CPVL: variants seen among roughly 807,000 people sequenced by gnomAD.
CPVL encodes carboxypeptidase vitellogenic like.
In CPVL, 51 loss-of-function variants were observed where a neutral mutation model predicts 63.7. That is an observed-to-expected ratio of 0.80 (90% CI 0.64 to 1.01). The LOEUF is 1.01. Ranked by LOEUF, CPVL falls within the 50% of genes least tolerant of loss-of-function variation. The pLI, the probability that CPVL is intolerant of heterozygous loss-of-function variation, is 0.00. For synonymous variants in CPVL, 195 were observed against 206.0 expected, an observed-to-expected ratio of 0.95 and a Z score of 0.46; for missense variants, 530 against 573.1, an observed-to-expected ratio of 0.92 and a Z score of 0.77.
chr7:29,097,521 C>T (rs1349143974), intron 3 of CPVL, among the ~76,000 whole-genome samples: 1 of 152,114 alleles, frequency 6.6e-6, no homozygotes, highest in African/African-American at 2.4e-5. Flanking sequence ...ATGGCAAAAC[C>T]CCATCTCCAC....
At chr7:29,115,601 T>G (rs908497317) in intron 2 of CPVL, among the ~76,000 whole-genome samples, 1 of 150,406 alleles carries the variant, frequency 6.6e-6, no homozygotes, top group African/African-American at 2.5e-5. Flanking sequence ...GCAAAACTAT[T>G]AATCTTCTCA....
At chr7:29,029,061 C>T (rs1258201518) in intron 12 of CPVL, among the ~76,000 whole-genome samples, 1 of 151,608 alleles carries the variant, frequency 6.6e-6, no homozygotes, top group Non-Finnish European at 1.5e-5. Context: ...AAAATCTCAG[C>T]ATCACTAATC....
intron 7 of CPVL, among the ~76,000 whole-genome samples, chr7:29,082,707 C>T (rs1450404648): frequency 6.6e-6 from 1 of 152,122 alleles, no homozygotes; most frequent in African/African-American, 2.4e-5. Flanking sequence ...ATCCTGGCAG[C>T]AAGGAAGGTA....
At chr7:29,173,093 T>A (rs1251471735) in intron 5 of CPVL, among the ~76,000 whole-genome samples, 1 of 147,672 alleles carries the variant, frequency 6.8e-6, no homozygotes. Flanking sequence ...ATTGCGCCAA[T>A]GTACTCCAGC....
At chr7:28,997,854 C>T (rs537326425) in intron 12 of CPVL, among the ~76,000 whole-genome samples, 74 of 148,158 alleles carry the variant, frequency 5.0e-4, no homozygotes, top group Non-Finnish European at 9.9e-4. Context: ...TTGTATTTCA[C>T]ATATTACAGT....
chr7:29,076,317 C>T (rs1584188849), intron 7 of CPVL, among the ~76,000 whole-genome samples: 2 of 152,134 alleles, frequency 1.3e-5, no homozygotes, highest in Non-Finnish European at 2.9e-5. Context: ...CCATGGTGTT[C>T]GCCAGTGTGG....
chr7:29,043,994 CATGATG>C lies in CPVL; in HGVS notation c.1138-13241_1138-13236del, dbSNP rs369477733. Reference sequence around the variant, plus strand: ...GACTGTATGGCAAACAGACTCAAATCATGATGATGATGATGATGATGATGGAAAAAC... The same window carrying C: ...GACTGTATGGCAAACAGACTCAAATCATGATGATGATGATGATGGAAAAAC... On this transcript the variant is annotated intron_variant, in intron 11 of 12. Coordinates refer to ENST00000265394, the MANE Select transcript of CPVL (RefSeq NM_031311.5). Among the ~76,000 whole-genome samples, 24 of 152,040 alleles carry C rather than the reference CATGATG, an allele frequency of 1.6e-4. 1 individual carries two copies. Among genetic ancestry groups the C allele is most frequent in the Admixed American group, 9.8e-4 (15 of 15,282 alleles).
At chr7:29,031,145 G>A (rs1284612756) in intron 11 of CPVL, among the ~76,000 whole-genome samples, 2 of 152,116 alleles carry the variant, frequency 1.3e-5, no homozygotes, top group Non-Finnish European at 2.9e-5. Flanking sequence ...TCAACTTCAG[G>A]CAGTGCAGTC....
intron 9 of CPVL, among the ~76,000 whole-genome samples, chr7:29,066,650 G>GGAA (rs1174767660): frequency 6.6e-6 from 1 of 152,206 alleles, no homozygotes; most frequent in Non-Finnish European, 1.5e-5. Context: ...AAGCCTTGTG[G>GGAA]GAAGGGTGCC....
Position 29,068,698 on chromosome 7 carries a change from G to GTT in CPVL, c.865-2579_865-2578dup, listed in dbSNP as rs1224426627. Among the ~76,000 whole-genome samples the GTT allele has an allele frequency of 1.4e-3, 195 of 137,132 alleles. 1 individual carries two copies. The highest frequency in any genetic ancestry group is 3.8e-3 in the Middle Eastern group (1 of 262). 90.0% of individuals were successfully genotyped at this position (137,132 alleles called of 152,430 possible). A position where few individuals can be genotyped will look rare whatever the true frequency, so the allele number is the denominator to read the frequency against. On this transcript the variant is annotated intron_variant, in intron 9 of 12. Transcript: ENST00000265394. ...TGTCTTTTTCTTTTTTTTTTTCTTT[G>GTT]TTTTTTTTTTTTTTGAGATGGAGTC...
At chr7:29,127,114 G>A (rs1359709091) in intron 1 of CPVL, among the ~76,000 whole-genome samples, 3 of 152,206 alleles carry the variant, frequency 2.0e-5, no homozygotes, top group Admixed American at 2.0e-4. Context: ...GTGGCAGGGA[G>A]AGAATGAGAA....
At chr7:29,191,533 T>C (rs1201010327) in intron 1 of CPVL, 1 of 152,106 alleles carries the variant, frequency 6.6e-6, no homozygotes, top group African/African-American at 2.4e-5. Context: ...AGAGATTAGA[T>C]TGGAAAGGTA....
intron 11 of CPVL, among the ~76,000 whole-genome samples, chr7:29,048,227 T>C (rs1339191213): frequency 6.6e-6 from 1 of 152,142 alleles, no homozygotes; most frequent in Non-Finnish European, 1.5e-5. Context: ...AATAGTAACA[T>C]TGAATGCAAA....
chr7:29,102,803 C>T (rs1292101284), intron 3 of CPVL, among the ~76,000 whole-genome samples: 3 of 152,100 alleles, frequency 2.0e-5, no homozygotes, highest in Non-Finnish European at 4.4e-5. Flanking sequence ...CCAGAAGGAA[C>T]GGCCCAGAAA....
intron 7 of CPVL, among the ~76,000 whole-genome samples, chr7:29,073,130 T>C (rs750858123): frequency 1.4e-4 from 22 of 152,244 alleles, no homozygotes; most frequent in African/African-American, 5.1e-4. Context: ...ATGTCTAATA[T>C]TAAACTGCAC....
chr7:29,064,316 A>C (rs1782936183), intron 10 of CPVL, 82 bp from the exon 11 acceptor site: 2 of 764,204 alleles, frequency 2.6e-6, no homozygotes, highest in Non-Finnish European at 4.0e-6. Flanking sequence ...TGAATTTCTC[A>C]TAACATACAA....
At chr7:29,069,605 C>T (rs1013696206) in intron 9 of CPVL, among the ~76,000 whole-genome samples, 5 of 152,202 alleles carry the variant, frequency 3.3e-5, no homozygotes, top group Admixed American at 1.3e-4. Flanking sequence ...ATATCTAAGA[C>T]GATCCAGGAT....
chr7:29,063,997 C>T, intron 11 of CPVL, 64 bp downstream of exon 11: 1 of 1,055,098 alleles, frequency 9.5e-7, no homozygotes, highest in Non-Finnish European at 1.4e-6. Context: ...ACTCAAATTA[C>T]AAATCACTTC....
chr7:29,071,579 T>C (rs957765746), intron 9 of CPVL, among the ~76,000 whole-genome samples, 194 bp downstream of exon 9: 1 of 152,188 alleles, frequency 6.6e-6, no homozygotes, highest in East Asian at 1.9e-4. Flanking sequence ...ATAGCCAAAG[T>C]AAATTCAAAG....
Sources: gnomAD v4.1 joint callset for allele counts (sites outside exome capture counted in the v4.1 genomes callset) on GRCh38, gnomAD v4.1.1 for gene constraint, MANE v1.5 for transcripts, NCBI Gene and HGNC (gene_info 2026-07-23, HGNC 2026-07-21) for gene names.